ANKRD44: variants seen among roughly 807,000 people sequenced by gnomAD.
ANKRD44 encodes the protein ankyrin repeat domain 44.
Under a neutral mutation model 116.0 loss-of-function variants are expected in ANKRD44, and 35 were observed. The ratio of observed to expected loss-of-function variants is 0.30; its 90% CI spans 0.23 to 0.40. The LOEUF is 0.40. ANKRD44 is among the 10% of genes least tolerant of loss of function. ANKRD44 has a pLI of 1.00. For missense variants in ANKRD44, 1,014 were observed against 1,242.6 expected (o/e 0.82, Z 2.77); for synonymous variants, 435 against 461.8 (o/e 0.94, Z 0.74).
intron 2 of ANKRD44, among the ~76,000 whole-genome samples, chr2:197,161,683 T>C (rs1196753845): frequency 6.6e-6 from 1 of 152,236 alleles, no homozygotes; most frequent in Non-Finnish European, 1.5e-5. Context: ...TTCATGGAAG[T>C]GAATAATTTT....
intron 18 of ANKRD44, among the ~76,000 whole-genome samples, chr2:197,010,523 T>C (rs1016584871): frequency 6.6e-6 from 1 of 152,162 alleles, no homozygotes; most frequent in African/African-American, 2.4e-5. Flanking sequence ...TGCACTCCTG[T>C]GCACACCAAT....
rs113061711 is a variant in ANKRD44 at position 196,987,662 on chromosome 2, C to G, written c.*1929G>C. ...AAATAGAAATACCCTGAGCTATTTA[C>G]TGTAGAATCATAGCAGATTTTAGGC... is the stretch of plus-strand genomic sequence containing the variant. On this transcript the variant is annotated 3_prime_UTR_variant, in exon 28 of 28. Transcript: ENST00000282272. 5.0e-5 allele frequency: 49 copies of G among 985,260 alleles called. No homozygotes were observed. The highest frequency in any genetic ancestry group is 5.7e-5 in the Non-Finnish European group (47 of 829,922). 61.0% of individuals were successfully genotyped at this position (985,260 alleles called of 1,614,324 possible). A position where few individuals can be genotyped will look rare whatever the true frequency, so the allele number is the denominator to read the frequency against.
chr2:197,022,638 C>G (rs572735539), intron 17 of ANKRD44, among the ~76,000 whole-genome samples: 1 of 152,266 alleles, frequency 6.6e-6, no homozygotes, highest in African/African-American at 2.4e-5. Flanking sequence ...CAAAACACTC[C>G]TTCATCAGAT....
At chr2:197,237,023 G>GA (rs938288573) in intron 1 of ANKRD44, among the ~76,000 whole-genome samples, 20 of 152,230 alleles carry the variant, frequency 1.3e-4, no homozygotes, top group African/African-American at 4.6e-4. Context: ...TGGCAGCGGG[G>GA]AGAGATGGCA....
intron 22 of ANKRD44, among the ~76,000 whole-genome samples, chr2:197,000,865 C>T (rs1189941012): frequency 6.6e-6 from 1 of 152,108 alleles, no homozygotes; most frequent in Non-Finnish European, 1.5e-5. Flanking sequence ...TGGTGAAACC[C>T]AGTCCCTACT....
intron 23 of ANKRD44, 146 bp from the exon 24 acceptor site, chr2:196,999,198 A>C: frequency 1.1e-6 from 1 of 931,838 alleles, no homozygotes; most frequent in South Asian, 1.8e-5. Context: ...CTCCCTCTAA[A>C]GGTCATCCAG....
Position 196,989,039 on chromosome 2 carries a change from G to T in ANKRD44, c.*552C>A. The T allele has an allele frequency of 2.9e-5, 29 of 985,448 alleles. No homozygotes were observed. The highest frequency in any genetic ancestry group is 3.5e-5 in the Non-Finnish European group (29 of 829,976). 61.0% of individuals were successfully genotyped at this position (985,448 alleles called of 1,614,324 possible). A position where few individuals can be genotyped will look rare whatever the true frequency, so the allele number is the denominator to read the frequency against. Reference sequence around the variant, plus strand: ...ATGCGTAGCCCTCTCTAACCAACGCGGAAGAACCTGAGGGTCATCTGGAAA... The same window carrying T: ...ATGCGTAGCCCTCTCTAACCAACGCTGAAGAACCTGAGGGTCATCTGGAAA... On this transcript the variant is annotated 3_prime_UTR_variant, in exon 28 of 28. Coordinates refer to ENST00000282272, the MANE Select transcript of ANKRD44 (RefSeq NM_001195144.2).
At chr2:196,989,764 G>C in intron 27 of ANKRD44, 115 bp from the exon 28 acceptor site, 2 of 1,497,612 alleles carry the variant, frequency 1.3e-6, no homozygotes, top group Non-Finnish European at 1.8e-6. Context: ...CACTTTTTTT[G>C]TTCCTTTTTG....
intron 16 of ANKRD44, among the ~76,000 whole-genome samples, chr2:197,026,440 T>A (rs1434957044): frequency 6.6e-6 from 1 of 152,234 alleles, no homozygotes; most frequent in East Asian, 1.9e-4. Flanking sequence ...TCCAGGGAGA[T>A]GAGGGAGCCT....
chr2:197,126,775 T>C (rs999003204), intron 4 of ANKRD44, among the ~76,000 whole-genome samples: 1 of 151,258 alleles, frequency 6.6e-6, no homozygotes, highest in Non-Finnish European at 1.5e-5. Flanking sequence ...CAAACATATA[T>C]ACAGGTGCAA....
chr2:197,102,693 T>C (rs2078322107), intron 9 of ANKRD44, among the ~76,000 whole-genome samples: 1 of 152,166 alleles, frequency 6.6e-6, no homozygotes, highest in Non-Finnish European at 1.5e-5. Context: ...CTAAACCATA[T>C]ACACATATGT....
chr2:197,043,192 T>C (rs2076943192), intron 16 of ANKRD44, among the ~76,000 whole-genome samples: 1 of 152,226 alleles, frequency 6.6e-6, no homozygotes, highest in South Asian at 2.1e-4. Flanking sequence ...TAAGTTTTTG[T>C]AGTACCTGGA....
In ANKRD44 at chr2:197,124,049, A is replaced by C. The variant is rs188187090; in HGVS notation, c.551-1257T>G. Among the ~76,000 whole-genome samples the C allele has an allele frequency of 2.0e-5, 3 of 152,234 alleles. No homozygotes were observed. In the East Asian group the frequency reaches 5.8e-4, roughly 29 times the overall value. On this transcript the variant is annotated intron_variant, in intron 6 of 27. Transcript: ENST00000282272. The stretch of plus-strand genomic sequence containing the variant: ...TTTGCATTCTTTGAGTCCTATCCAC[A>C]CTAGCTTAGTGTGTGTTCGGCCTAC...
At chr2:197,259,036 A>G (rs1171950162) in intron 1 of ANKRD44, among the ~76,000 whole-genome samples, 1 of 152,194 alleles carries the variant, frequency 6.6e-6, no homozygotes, top group Non-Finnish European at 1.5e-5. Flanking sequence ...CCACCTACCA[A>G]ATCTTGCAGC....
rs2075852449 is a variant in ANKRD44, at chr2:196,987,602, A to G, written c.*1989T>C. ...CCAAGCAGTGTTTACTGCCTAAAGT[A>G]CCAAAACATACTATGGTGCCCTTTT... On this transcript the variant is annotated 3_prime_UTR_variant, in exon 28 of 28. Transcript: ENST00000282272. The G allele has an allele frequency of 1.0e-6, 1 of 985,382 alleles. No homozygotes were observed. The highest frequency in any genetic ancestry group is 1.2e-6 in the Non-Finnish European group (1 of 829,864). 61.0% of individuals were successfully genotyped at this position (985,382 alleles called of 1,614,324 possible).
Position 197,110,843 on chromosome 2 carries a change from C to T in ANKRD44, c.908G>A (p.Ser303Asn), listed in dbSNP as rs2125275880. 6.2e-7 allele frequency: 1 copy of T among 1,613,526 alleles called. No individual in the cohort carries two copies. Among genetic ancestry groups the T allele is most frequent in the Non-Finnish European group, 8.5e-7 (1 of 1,179,594 alleles). The part of the protein sequence containing the change: ...VNNGADVNIQ[S>N]KDGKSPLHMT... Reference sequence around the variant, plus strand: ...GTGCAGTGGACTTTTGCCATCTTTACTCTAAAAAAAAGAGAGGGAGAGAAA... The same window carrying T: ...GTGCAGTGGACTTTTGCCATCTTTATTCTAAAAAAAAGAGAGGGAGAGAAA... Residue 303 changes from serine (S) to asparagine (N), a missense_variant and splice_region_variant, in exon 9 of 28, where the codon AGT becomes AAT. Ser to Asn is a conservative substitution (Grantham distance 46, BLOSUM62 1). Coordinates refer to ENST00000282272, the MANE Select transcript of ANKRD44 (RefSeq NM_001195144.2).
chr2:197,008,824 G>A, intron 19 of ANKRD44, 120 bp downstream of exon 19: 1 of 857,504 alleles, frequency 1.2e-6, no homozygotes, highest in Non-Finnish European at 1.9e-6. Flanking sequence ...ATTGGTCCTG[G>A]TCCAAATATA....
intron 1 of ANKRD44, among the ~76,000 whole-genome samples, chr2:197,268,323 C>T (rs192529337): frequency 2.5e-4 from 38 of 152,188 alleles, no homozygotes; most frequent in African/African-American, 7.7e-4. Context: ...CACTGGGGCA[C>T]GGGAAATAGG....
Position 197,008,838 on chromosome 2 carries a change from CT to C in ANKRD44, c.2012+105del. On this transcript the variant is annotated intron_variant, in intron 19 of 27. Coordinates refer to ENST00000282272, the MANE Select transcript of ANKRD44 (RefSeq NM_001195144.2). ...TATTGGTCCTGGTCCAAATATATTC[CT>C]CCAATTTCTCGGTTCCGCAGTCAGC... is the stretch of plus-strand genomic sequence containing the variant. 3 of 951,260 alleles carry C rather than the reference CT, an allele frequency of 3.2e-6. No homozygotes were observed. In the South Asian group the frequency reaches 4.3e-5, roughly 13 times the overall value. The allele number at this position is 951,260 out of a possible 1,614,324, so 58.9% of individuals were successfully genotyped here. A position where few individuals can be genotyped will look rare whatever the true frequency, so the allele number is the denominator to read the frequency against.
Sources: gnomAD v4.1 joint callset for allele counts (sites outside exome capture counted in the v4.1 genomes callset) on GRCh38, gnomAD v4.1.1 for gene constraint, MANE v1.5 for transcripts, NCBI Gene and HGNC (gene_info 2026-07-23, HGNC 2026-07-21) for gene names.